NRG1: variants seen among roughly 807,000 people sequenced by gnomAD.
NRG1 encodes neuregulin 1, also known as pro-neuregulin-1, membrane-bound isoform.
A neutral mutation model predicts 63.8 loss-of-function variants in NRG1; 18 were observed. That is an observed-to-expected ratio of 0.28 (90% CI 0.19 to 0.42). The LOEUF (loss-of-function observed/expected upper bound fraction) is 0.42. Ranked by LOEUF, NRG1 falls within the 10% of genes least tolerant of loss-of-function variation. The pLI is 1.00. For missense variants in NRG1, 762 were observed against 814.7 expected, an observed-to-expected ratio of 0.94 and a Z score of 0.79; for synonymous variants, 302 against 301.3, an observed-to-expected ratio of 1.00 and a Z score of -0.02.
intron 1 of NRG1, among the ~76,000 whole-genome samples, chr8:32,132,962 CCTTCCTTT>C (rs1835038563): frequency 2.6e-5 from 4 of 152,028 alleles, no homozygotes; most frequent in East Asian, 1.9e-4. Context: ...TTCCTTCCTT[CCTTCCTTT>C]CTTCCTTTCT....
At chr8:32,625,220 A>G (rs140560724) in intron 5 of NRG1, among the ~76,000 whole-genome samples, 1 of 150,742 alleles carries the variant, frequency 6.6e-6, no homozygotes, top group African/African-American at 2.4e-5. Context: ...TAGTTTAGCT[A>G]ATCATCAAAA....
At chr8:32,312,153 GTTTGTTTTTTTTTTT>G (rs1856876654) in intron 1 of NRG1, among the ~76,000 whole-genome samples, 1 of 98,206 alleles carries the variant, frequency 1.0e-5, no homozygotes, top group South Asian at 4.1e-4. Context: ...ATTTGACCTT[GTTTGTTTTTTTTTTT>G]TTTTTTTTTT....
chr8:32,585,480 T>C (rs545501436), intron 1 of NRG1, among the ~76,000 whole-genome samples: 1 of 152,318 alleles, frequency 6.6e-6, no homozygotes, highest in Non-Finnish European at 1.5e-5. Context: ...CAGCATTCAT[T>C]GTCACGGTGT....
At chr8:32,551,336 T>A (rs1400746817) in intron 1 of NRG1, among the ~76,000 whole-genome samples, 1 of 152,172 alleles carries the variant, frequency 6.6e-6, no homozygotes, top group African/African-American at 2.4e-5. Flanking sequence ...TTTCACTCCT[T>A]TCTTAAAACA....
chr8:32,763,728 G>A lies in NRG1; in HGVS notation c.1260-20G>A, dbSNP rs761608522. The A allele has an allele frequency of 5.2e-6, 8 of 1,526,302 alleles. No homozygotes were observed. In the South Asian group the frequency reaches 6.6e-5, roughly 13 times the overall value. The allele number at this position is 1,526,302 out of a possible 1,614,324, so 94.5% of individuals were successfully genotyped here. On this transcript the variant is annotated intron_variant, in intron 11 of 11. Transcript: ENST00000356819. ...CTCTTATTGCACCACACTTATGCAGGGTATTCTGTGCTCACACAGGTATGT... is the reference window on the plus strand; with the variant it reads ...CTCTTATTGCACCACACTTATGCAGAGTATTCTGTGCTCACACAGGTATGT...
At chr8:31,764,892 C>A (rs1047548520) in intron 1 of NRG1, among the ~76,000 whole-genome samples, 1 of 113,134 alleles carries the variant, frequency 8.8e-6, no homozygotes, top group Non-Finnish European at 1.7e-5. Context: ...CTCCCCCCTC[C>A]CCCCACCCCA....
At chr8:32,377,032 A>T (rs531596342) in intron 1 of NRG1, among the ~76,000 whole-genome samples, 1 of 152,188 alleles carries the variant, frequency 6.6e-6, no homozygotes, top group Non-Finnish European at 1.5e-5. Context: ...TTTACAGTAA[A>T]TGCAGAAGCG....
downstream of NRG1, among the ~76,000 whole-genome samples, chr8:32,769,607 A>G (rs1176903650): frequency 5.3e-5 from 8 of 152,140 alleles, no homozygotes; most frequent in South Asian, 1.7e-3. Context: ...ATCACTTTGC[A>G]CTCTATGTTT....
intron 1 of NRG1, among the ~76,000 whole-genome samples, chr8:31,679,035 A>G (rs929346058): frequency 6.6e-6 from 1 of 151,766 alleles, no homozygotes; most frequent in Admixed American, 6.6e-5. Context: ...ACCATAGGTA[A>G]TTTTTGCTTT....
intron 1 of NRG1, among the ~76,000 whole-genome samples, chr8:32,104,646 C>G (rs933697985): frequency 7.9e-5 from 12 of 151,696 alleles, no homozygotes; most frequent in Non-Finnish European, 1.8e-4. Context: ...TCTTTTTATC[C>G]TCATTCTACA....
chr8:32,631,466 A>T (rs557697910), intron 5 of NRG1, among the ~76,000 whole-genome samples: 6 of 152,320 alleles, frequency 3.9e-5, no homozygotes, highest in African/African-American at 1.4e-4. Context: ...GGGGTAAGCG[A>T]CACAGCCGAA....
chr8:32,392,070 T>C (rs1811842160), intron 1 of NRG1, among the ~76,000 whole-genome samples: 1 of 152,190 alleles, frequency 6.6e-6, no homozygotes, highest in Admixed American at 6.5e-5. Context: ...ATGCTAATGA[T>C]AGAACTGAGG....
At chr8:31,939,741 A>C (rs1381828556) in intron 1 of NRG1, among the ~76,000 whole-genome samples, 1 of 152,090 alleles carries the variant, frequency 6.6e-6, no homozygotes, top group African/African-American at 2.4e-5. Flanking sequence ...TTTTATGCAA[A>C]TGGGCATCAA....
intron 1 of NRG1, among the ~76,000 whole-genome samples, chr8:32,154,831 A>G (rs956139665): frequency 2.0e-5 from 3 of 152,162 alleles, no homozygotes; most frequent in African/African-American, 7.2e-5. Context: ...GAGGGGGATT[A>G]TTTTCACAAG....
chr8:32,160,036 G>T (rs1393301536), intron 1 of NRG1, among the ~76,000 whole-genome samples: 1 of 152,178 alleles, frequency 6.6e-6, no homozygotes, highest in African/African-American at 2.4e-5. Context: ...CATAGGAAGA[G>T]AGGGTTTCTT....
chr8:32,702,425 G>A (rs2919384), intron 5 of NRG1, among the ~76,000 whole-genome samples: 104,733 of 152,150 alleles, frequency 0.69, 37,286 homozygotes, highest in Non-Finnish European at 0.79. Flanking sequence ...GGGCATTTGT[G>A]TTGGTAGAGA....
chr8:31,639,678 G>A, intron 1 of NRG1: 1 of 1,387,376 alleles, frequency 7.2e-7, no homozygotes, highest in Non-Finnish European at 9.3e-7. Flanking sequence ...GCGGCGGCGC[G>A]GGGGGTGGGG....
intron 1 of NRG1, among the ~76,000 whole-genome samples, chr8:31,927,609 C>G (rs1177251715): frequency 6.7e-6 from 1 of 149,770 alleles, no homozygotes; most frequent in Admixed American, 6.6e-5. Flanking sequence ...CCACTACGCC[C>G]GGCTAATTTT....
At chr8:31,724,295 G>T (rs1813207882) in intron 1 of NRG1, among the ~76,000 whole-genome samples, 1 of 152,090 alleles carries the variant, frequency 6.6e-6, no homozygotes, top group Non-Finnish European at 1.5e-5. Flanking sequence ...GAACAAAATT[G>T]CTGTAGTAAC....
Sources: allele counts gnomAD v4.1 joint callset (sites outside exome capture counted in the v4.1 genomes callset), GRCh38; gene constraint gnomAD v4.1.1; transcripts MANE v1.5; gene names NCBI Gene and HGNC (gene_info 2026-07-23, HGNC 2026-07-21).